Variants in GRAMD2B observed in about 807,000 individuals in gnomAD.
GRAMD2B encodes GRAM domain-containing protein 2B.
GRAMD2B carries 41 observed loss-of-function variants against 59.2 expected under a neutral mutation model. The observed-to-expected ratio is 0.69, with a 90% CI of 0.54 to 0.90. The LOEUF is 0.90. GRAMD2B is among the 40% of genes least tolerant of loss of function. GRAMD2B has a pLI of 0.00. For synonymous variants in GRAMD2B, 161 were observed against 182.7 expected, an observed-to-expected ratio of 0.88 and a Z score of 0.96; for missense variants, 424 against 500.5, an observed-to-expected ratio of 0.85 and a Z score of 1.46.
In GRAMD2B at chr5:126,492,920, A is replaced by T; in HGVS notation, c.1263A>T (p.Gln421His). The T allele has an allele frequency of 6.2e-7, 1 of 1,606,460 alleles. No homozygotes were observed. ...TANIVKLEKI[Q>H]NNLQKLLENG... is the part of the protein sequence containing the mutation. ...TTCTTTTCTTTTATTTCAAGATACA[A>T]AATAACTTACAGAAGTTGCTTGAGA... Residue 421 changes from glutamine to histidine, a missense_variant, in exon 14 of 14, where the codon CAA (glutamine) becomes CAT (histidine). Gln to His is a conservative substitution (Grantham distance 24). Coordinates refer to ENST00000285689, the MANE Select transcript of GRAMD2B (RefSeq NM_023927.4).
chr5:126,430,935 G>GT (rs967590375), intron 1 of GRAMD2B, among the ~76,000 whole-genome samples: 4 of 152,172 alleles, frequency 2.6e-5, no homozygotes, highest in Admixed American at 6.5e-5. Context: ...TTTATTACTG[G>GT]TTTTTTTAAG....
intron 1 of GRAMD2B, among the ~76,000 whole-genome samples, chr5:126,408,481 G>C (rs1012406200): frequency 1.3e-5 from 2 of 151,758 alleles, no homozygotes; most frequent in Admixed American, 6.6e-5. Context: ...TGGGATTGCT[G>C]AGTCAAAATG....
At chr5:126,435,359 A>C (rs926851988) in intron 1 of GRAMD2B, among the ~76,000 whole-genome samples, 5 of 152,178 alleles carry the variant, frequency 3.3e-5, no homozygotes, top group Non-Finnish European at 7.3e-5. Flanking sequence ...GGAGAAAATT[A>C]TTTCAGGCAG....
At chr5:126,482,118 A>C (rs189106084) in intron 8 of GRAMD2B, among the ~76,000 whole-genome samples, 1 of 152,312 alleles carries the variant, frequency 6.6e-6, no homozygotes, top group East Asian at 1.9e-4. Flanking sequence ...AATATCTTGA[A>C]CAGGAAAATC....
At chr5:126,379,217 G>C (rs1324215243) in intron 1 of GRAMD2B, among the ~76,000 whole-genome samples, 1 of 152,050 alleles carries the variant, frequency 6.6e-6, no homozygotes, top group East Asian at 1.9e-4. Context: ...CATCCAGGTT[G>C]CTGCAAATGC....
intron 1 of GRAMD2B, among the ~76,000 whole-genome samples, chr5:126,447,810 A>G (rs1162810227): frequency 1.3e-5 from 2 of 152,100 alleles, no homozygotes; most frequent in Admixed American, 6.5e-5. Flanking sequence ...TGCCCTCCAG[A>G]GGCATATGGT....
At chr5:126,419,729 G>T (rs1196260619), upstream of GRAMD2B, among the ~76,000 whole-genome samples, 1 of 152,138 alleles carries the variant, frequency 6.6e-6, no homozygotes, top group Non-Finnish European at 1.5e-5. Context: ...TACCAAAGTG[G>T]TTTTAAAAAC....
chr5:126,461,866 T>G (rs1041046053), intron 1 of GRAMD2B, among the ~76,000 whole-genome samples: 2 of 152,250 alleles, frequency 1.3e-5, no homozygotes, highest in African/African-American at 4.8e-5. Flanking sequence ...TTAGTTGTTA[T>G]AAGCATGACT....
rs146325012 is a variant in GRAMD2B at position 126,374,460 on chromosome 5, G to A, written c.125+2893G>A. On this transcript the variant is annotated intron_variant, in intron 1 of 8. Coordinates refer to the GRAMD2B transcript ENST00000506445. ...GATAGTTTTTTAAAATACTCCAGAC[G>A]CTGATCTTTTGTTATGTGTTGCAAG... Among the ~76,000 whole-genome samples the A allele has an allele frequency of 1.6e-3, 250 of 152,160 alleles. 1 individual carries two copies. Among genetic ancestry groups the A allele is most frequent in the African/African-American group, 5.8e-3 (240 of 41,514 alleles).
intron 1 of GRAMD2B, among the ~76,000 whole-genome samples, chr5:126,440,154 G>A (rs1763058055): frequency 6.6e-6 from 1 of 152,070 alleles, no homozygotes; most frequent in Admixed American, 6.5e-5. Flanking sequence ...TTACAGACTA[G>A]CATCAAAAAA....
intron 1 of GRAMD2B, among the ~76,000 whole-genome samples, chr5:126,464,191 C>T (rs1767893184): frequency 6.6e-6 from 1 of 152,218 alleles, no homozygotes; most frequent in African/African-American, 2.4e-5. Context: ...ACAGCTTAAA[C>T]TATCCAGTGG....
In GRAMD2B at chr5:126,454,870, G is replaced by A. The variant is rs191557659; in HGVS notation, c.84-10556G>A. On this transcript the variant is annotated intron_variant, in intron 1 of 13. Transcript: ENST00000285689. ...TGCAAAATCTGATATTCTTTTTATT[G>A]TTGACCTATTTGGGGCTCCTTTGGT... Among the ~76,000 whole-genome samples, 5 of 152,224 alleles carry A rather than the reference G, an allele frequency of 3.3e-5. No homozygotes were observed. The East Asian group carries it at 9.6e-4, about 29-fold the overall frequency.
At chr5:126,484,294 C>A in intron 9 of GRAMD2B, 108 bp from the exon 10 acceptor site, 1 of 1,283,364 alleles carries the variant, frequency 7.8e-7, no homozygotes, top group Non-Finnish European at 1.1e-6. Flanking sequence ...ACCATCCATT[C>A]ACATTCTTGA....
rs1328344517 is a variant in GRAMD2B at position 126,483,476 on chromosome 5, A to G, written c.749A>G (p.Glu250Gly). The change falls in exon 9 of 14, where the codon GAA becomes GGA. Residue 250 changes from glutamate to glycine, a missense_variant. Coordinates refer to ENST00000285689, the MANE Select transcript of GRAMD2B (RefSeq NM_023927.4). ...PSSLPLDFNDEFSDLDGVVQQ... is the reference protein window; with the variant it reads ...PSSLPLDFNDGFSDLDGVVQQ... ...GTTTCCTTTCAGGATTTCAATGATG[A>G]ATTCTCAGATCTGGATGGAGTGGTT... is the stretch of plus-strand genomic sequence containing the variant. The G allele has an allele frequency of 6.2e-7, 1 of 1,606,454 alleles. No homozygotes were observed. The highest frequency in any genetic ancestry group is 2.2e-5 in the East Asian group (1 of 44,806).
At chr5:126,419,317 TGA>T (rs370172750), upstream of GRAMD2B, among the ~76,000 whole-genome samples, 16 of 143,570 alleles carry the variant, frequency 1.1e-4, no homozygotes, top group Admixed American at 2.8e-4. Context: ...GAGAGAGAGG[TGA>T]GAGAGAGAGA....
chr5:126,371,045 T>A (rs1207281382), upstream of GRAMD2B, among the ~76,000 whole-genome samples: 7 of 152,086 alleles, frequency 4.6e-5, no homozygotes, highest in Non-Finnish European at 2.9e-5. Context: ...CAGGCTCAGG[T>A]GGTTAGAAAA....
At chr5:126,402,007 A>G (rs1757881840) in intron 1 of GRAMD2B, among the ~76,000 whole-genome samples, 1 of 152,056 alleles carries the variant, frequency 6.6e-6, no homozygotes, top group Non-Finnish European at 1.5e-5. Flanking sequence ...CTAACAAAAC[A>G]AACTTACTGG....
intron 1 of GRAMD2B, among the ~76,000 whole-genome samples, chr5:126,434,786 G>A (rs189854467): frequency 6.6e-6 from 1 of 152,162 alleles, no homozygotes; most frequent in African/African-American, 2.4e-5. Context: ...CAAAGTGCTG[G>A]GCTTAGGGGC....
At chr5:126,405,877 G>A (rs1459956803) in intron 1 of GRAMD2B, among the ~76,000 whole-genome samples, 1 of 151,762 alleles carries the variant, frequency 6.6e-6, no homozygotes, top group African/African-American at 2.4e-5. Flanking sequence ...GGCCTAGGAG[G>A]TTTTCAATAG....
Sources: allele counts gnomAD v4.1 joint callset (sites outside exome capture counted in the v4.1 genomes callset), GRCh38; gene constraint gnomAD v4.1.1; transcripts MANE v1.5; gene names NCBI Gene and HGNC (gene_info 2026-07-23, HGNC 2026-07-21).